SLX4IP: variants seen among roughly 807,000 people sequenced by gnomAD.
SLX4IP encodes the protein protein SLX4IP.
SLX4IP carries 34 observed loss-of-function variants against 32.9 expected under a neutral mutation model. The observed-to-expected ratio is 1.03, with a 90% CI of 0.79 to 1.38. The LOEUF is 1.38. Among genes scored for constraint, SLX4IP ranks in the 40% most tolerant of loss-of-function variants. The probability of loss-of-function intolerance (pLI) is 0.00; values close to 1 mark genes in which losing one functional copy is unlikely to be tolerated. For missense variants in SLX4IP, 444 were observed against 479.0 expected (o/e 0.93, Z 0.68); for synonymous variants, 172 against 171.7 (o/e 1.00, Z -0.01).
At chr20:10,456,816 A>G (rs1269924650) in intron 1 of SLX4IP, among the ~76,000 whole-genome samples, 1 of 152,228 alleles carries the variant, frequency 6.6e-6, no homozygotes, top group African/African-American at 2.4e-5. Context: ...TCTGAGAACA[A>G]TTTGGGAATA....
intron 4 of SLX4IP, among the ~76,000 whole-genome samples, chr20:10,584,043 CATATCAGCCCA>C (rs2066616906): frequency 6.6e-6 from 1 of 152,136 alleles, no homozygotes; most frequent in South Asian, 2.1e-4. Flanking sequence ...ATAAGGCTTA[CATATCAGCCCA>C]ATATACATCT....
At chr20:10,564,428 G>A (rs2066367417) in intron 4 of SLX4IP, among the ~76,000 whole-genome samples, 1 of 152,132 alleles carries the variant, frequency 6.6e-6, no homozygotes, top group Admixed American at 6.5e-5. Flanking sequence ...ATGCTTTTGT[G>A]TAAATTGGAT....
rs948974692 is a variant in SLX4IP at position 10,590,348 on chromosome 20, G to T, written c.239-8327G>T. ...ATTTTATTTTATTTTATTTATGTAT[G>T]TATTTATTTATTTTTTTAATTTTAT... On this transcript the variant is annotated intron_variant, in intron 4 of 7. Coordinates refer to ENST00000334534, the MANE Select transcript of SLX4IP (RefSeq NM_001009608.3). Among the ~76,000 whole-genome samples, 10 of 151,578 alleles carry T rather than the reference G, an allele frequency of 6.6e-5. No homozygotes were observed. The East Asian group carries it at 1.9e-3, about 29-fold the overall frequency.
intron 2 of SLX4IP, among the ~76,000 whole-genome samples, chr20:10,500,620 TGC>T (rs962694777): frequency 6.6e-6 from 1 of 152,056 alleles, no homozygotes; most frequent in African/African-American, 2.4e-5. Flanking sequence ...TGCGTGGTGG[TGC>T]ACACCTGTAG....
At chr20:10,577,494 T>C (rs990274870) in intron 4 of SLX4IP, among the ~76,000 whole-genome samples, 1 of 152,160 alleles carries the variant, frequency 6.6e-6, no homozygotes, top group Non-Finnish European at 1.5e-5. Flanking sequence ...GGCAGAAGGA[T>C]TGCTTGAGAC....
At chr20:10,437,347 C>T (rs1030941739) in intron 1 of SLX4IP, among the ~76,000 whole-genome samples, 17 of 152,090 alleles carry the variant, frequency 1.1e-4, no homozygotes, top group African/African-American at 3.9e-4. Context: ...CTTGGCTGCA[C>T]GTAACAATCA....
intron 2 of SLX4IP, among the ~76,000 whole-genome samples, chr20:10,525,488 A>G (rs1285457174): frequency 6.6e-6 from 1 of 152,160 alleles, no homozygotes; most frequent in East Asian, 1.9e-4. Context: ...TATTATAATT[A>G]TATAAGTATT....
intron 2 of SLX4IP, among the ~76,000 whole-genome samples, chr20:10,476,949 G>A (rs1350724101): frequency 6.6e-6 from 1 of 152,200 alleles, no homozygotes; most frequent in Non-Finnish European, 1.5e-5. Context: ...TGCTTTTGCA[G>A]TTAAGCTAGA....
At chr20:10,473,909 G>A (rs558975469) in intron 2 of SLX4IP, among the ~76,000 whole-genome samples, 68 of 151,580 alleles carry the variant, frequency 4.5e-4, no homozygotes, top group Middle Eastern at 3.4e-3. Context: ...TGCAACCTCC[G>A]CCTCATGGGT....
chr20:10,571,306 G>C (rs2066463245), intron 4 of SLX4IP, among the ~76,000 whole-genome samples: 1 of 152,240 alleles, frequency 6.6e-6, no homozygotes, highest in Non-Finnish European at 1.5e-5. Context: ...ACCTGCAGTC[G>C]GCTGAGTTCA....
chr20:10,452,983 G>T (rs764121635), intron 1 of SLX4IP, among the ~76,000 whole-genome samples: 49 of 151,954 alleles, frequency 3.2e-4, no homozygotes, highest in Non-Finnish European at 5.7e-4. Context: ...TTACTGGTCT[G>T]CTTTGTTTCT....
chr20:10,591,946 C>T (rs1421018261), intron 4 of SLX4IP, among the ~76,000 whole-genome samples: 1 of 152,144 alleles, frequency 6.6e-6, no homozygotes, highest in Non-Finnish European at 1.5e-5. Context: ...CACATGTGCC[C>T]TCTGGCATTA....
At chr20:10,507,904 T>TTATATATA (rs3063286) in intron 2 of SLX4IP, among the ~76,000 whole-genome samples, 2 of 147,118 alleles carry the variant, frequency 1.4e-5, no homozygotes, top group African/African-American at 5.0e-5. Flanking sequence ...ACAGTCTCCT[T>TTATATATA]TATATATATA....
rs937675114 is a variant in SLX4IP, at chr20:10,614,850, A to G, written c.406-6464A>G. ...GGTGTTGTCTAGACCTGTGCTGGCC[A>G]GTACTTGTAGCCACTGGCCACATTT... On this transcript the variant is annotated intron_variant, in intron 6 of 7. Transcript: ENST00000334534. Among the ~76,000 whole-genome samples the G allele has an allele frequency of 4.6e-5, 7 of 152,222 alleles. No individual in the cohort carries two copies. In the East Asian group the frequency reaches 7.7e-4, roughly 17 times the overall value.
chr20:10,519,815 C>T (rs1312764389), intron 2 of SLX4IP, among the ~76,000 whole-genome samples: 1 of 152,232 alleles, frequency 6.6e-6, no homozygotes, highest in Admixed American at 6.5e-5. Flanking sequence ...TTCAAAGTGA[C>T]TATACCATTT....
intron 2 of SLX4IP, among the ~76,000 whole-genome samples, chr20:10,536,041 A>G (rs2066040334): frequency 6.6e-6 from 1 of 152,218 alleles, no homozygotes; most frequent in Non-Finnish European, 1.5e-5. Context: ...AGGGAGTCCG[A>G]AAAGTCAGGG....
chr20:10,614,297 T>C (rs2067001695), intron 6 of SLX4IP: 2 of 594,574 alleles, frequency 3.4e-6, no homozygotes, highest in Non-Finnish European at 6.0e-6. Flanking sequence ...AAGTCCTACC[T>C]TGAGAACAAT....
Position 10,626,045 on chromosome 20 carries a change from C to T in SLX4IP, c.*2666C>T, listed in dbSNP as rs1411926301. 11 of 128,698 alleles carry T rather than the reference C, an allele frequency of 8.5e-5. No individual in the cohort carries two copies. The highest frequency in any genetic ancestry group is 1.6e-5 in the Non-Finnish European group (1 of 63,322). The allele number at this position is 128,698 out of a possible 1,614,324, so 8.0% of individuals were successfully genotyped here. A position where few individuals can be genotyped will look rare whatever the true frequency, so the allele number is the denominator to read the frequency against. ...TTTTTTTTTTTTTGAGACAGAGTCT[C>T]GCTCTGTCGCCCAGGCTGGAGTGCA... On this transcript the variant is annotated 3_prime_UTR_variant, in exon 8 of 8. Transcript: ENST00000334534.
rs1364897301 is a variant in SLX4IP at position 10,453,235 on chromosome 20, TCTG to T, written c.-29-4937_-29-4935del. Among the ~76,000 whole-genome samples the T allele has an allele frequency of 2.6e-5, 4 of 152,322 alleles. No homozygotes were observed. The East Asian group carries it at 7.7e-4, about 29-fold the overall frequency. ...GAATCAGTCATTGCCTTGTTATTCT[TCTG>T]CTGTTTAGCTTTCCATGTACCTGTC... On this transcript the variant is annotated intron_variant, in intron 1 of 7. Transcript: ENST00000334534.
Sources: allele counts gnomAD v4.1 joint callset (sites outside exome capture counted in the v4.1 genomes callset), GRCh38; gene constraint gnomAD v4.1.1; transcripts MANE v1.5; gene names NCBI Gene and HGNC (gene_info 2026-07-23, HGNC 2026-07-21).